MIDEAS: variants seen among roughly 807,000 people sequenced by gnomAD.
MIDEAS encodes the protein mitotic deacetylase associated SANT domain protein.
A neutral mutation model predicts 102.7 loss-of-function variants in MIDEAS; 26 were observed. That is an observed-to-expected ratio of 0.25 (90% CI 0.19 to 0.35). The LOEUF (loss-of-function observed/expected upper bound fraction) is 0.35. Among genes scored for constraint, MIDEAS ranks in the 10% least tolerant of loss-of-function variants. The pLI, the probability that MIDEAS is intolerant of heterozygous loss-of-function variation, is 1.00. For missense variants in MIDEAS, 1,231 were observed against 1,435.6 expected, an observed-to-expected ratio of 0.86 and a Z score of 2.30; for synonymous variants, 585 against 591.0, an observed-to-expected ratio of 0.99 and a Z score of 0.15.
At chr14:73,734,003 G>C (rs1336604650) in intron 3 of MIDEAS, among the ~76,000 whole-genome samples, 1 of 151,866 alleles carries the variant, frequency 6.6e-6, no homozygotes, top group Admixed American at 6.6e-5. Context: ...TGTTTTGTGT[G>C]AGATGGAGTC....
chr14:73,779,555 TTTATTA>T (rs1264012436), intron 1 of MIDEAS, among the ~76,000 whole-genome samples: 29 of 110,664 alleles, frequency 2.6e-4, no homozygotes, highest in African/African-American at 4.6e-4. Flanking sequence ...TTTTAATTTG[TTTATTA>T]TTATTATTAT....
intron 1 of MIDEAS, among the ~76,000 whole-genome samples, chr14:73,740,748 A>T (rs2140126686): frequency 6.6e-6 from 1 of 152,266 alleles, no homozygotes; most frequent in East Asian, 1.9e-4. Flanking sequence ...ACCCAGAAGG[A>T]TCTTTGTCCA....
chr14:73,763,307 C>T (rs1392361107), upstream of MIDEAS, among the ~76,000 whole-genome samples: 10 of 152,196 alleles, frequency 6.6e-5, no homozygotes, highest in Admixed American at 6.5e-4. Flanking sequence ...CACTGCACTC[C>T]ATCCTGGGTG....
intron 1 of MIDEAS, among the ~76,000 whole-genome samples, chr14:73,745,590 C>G (rs1221022593): frequency 6.6e-6 from 1 of 152,192 alleles, no homozygotes; most frequent in Non-Finnish European, 1.5e-5. Context: ...TCTGGGGTCT[C>G]CAGCTATAGC....
intron 1 of MIDEAS, among the ~76,000 whole-genome samples, chr14:73,753,820 G>A (rs1258803791): frequency 6.6e-6 from 1 of 152,184 alleles, no homozygotes; most frequent in Admixed American, 6.5e-5. Context: ...ACCCAGCACA[G>A]GCCTCCTTTA....
At chr14:73,778,972 T>C (rs919593643) in intron 1 of MIDEAS, among the ~76,000 whole-genome samples, 4 of 151,914 alleles carry the variant, frequency 2.6e-5, no homozygotes, top group African/African-American at 9.7e-5. Flanking sequence ...TTCATTTAAC[T>C]TATGCAAATT....
chr14:73,784,969 T>C (rs1274269687), intron 1 of MIDEAS, among the ~76,000 whole-genome samples: 1 of 152,160 alleles, frequency 6.6e-6, no homozygotes, highest in Non-Finnish European at 1.5e-5. Context: ...CAAAACAGCA[T>C]TTTTCCTCCA....
intron 1 of MIDEAS, among the ~76,000 whole-genome samples, chr14:73,744,768 G>T (rs1006426441): frequency 2.0e-5 from 3 of 152,144 alleles, no homozygotes; most frequent in African/African-American, 7.2e-5. Context: ...TCTTTGGCCA[G>T]GCTGTACCCC....
At chr14:73,773,024 G>C (rs913629726) in intron 1 of MIDEAS, among the ~76,000 whole-genome samples, 1 of 152,082 alleles carries the variant, frequency 6.6e-6, no homozygotes, top group Non-Finnish European at 1.5e-5. Flanking sequence ...TTTTAGTAGA[G>C]ATGGGGTTTC....
At chr14:73,729,595 G>T in intron 4 of MIDEAS, 45 bp downstream of exon 4, 1 of 1,505,844 alleles carries the variant, frequency 6.6e-7, no homozygotes, top group Non-Finnish European at 9.1e-7. Flanking sequence ...CCTGCCCAGT[G>T]CCCCAGCCCC....
upstream of MIDEAS, among the ~76,000 whole-genome samples, chr14:73,764,305 A>G (rs949702342): frequency 1.6e-4 from 23 of 142,492 alleles, no homozygotes; most frequent in Admixed American, 1.4e-3. Flanking sequence ...GCCCCACTGT[A>G]CTCTAGCCTG....
intron 1 of MIDEAS, among the ~76,000 whole-genome samples, chr14:73,748,670 G>A (rs1040934647): frequency 1.3e-5 from 2 of 151,732 alleles, no homozygotes; most frequent in East Asian, 1.9e-4. Context: ...TCAGGAGGCT[G>A]AGACAGGAGA....
chr14:73,731,562 A>G (rs1224520188), intron 3 of MIDEAS, among the ~76,000 whole-genome samples: 1 of 152,214 alleles, frequency 6.6e-6, no homozygotes. Flanking sequence ...AATGATTTGT[A>G]ATTTTATAAT....
intron 10 of MIDEAS, 35 bp from the exon 11 acceptor site, chr14:73,721,544 A>T: frequency 6.3e-7 from 1 of 1,591,424 alleles, no homozygotes; most frequent in Non-Finnish European, 8.6e-7. Context: ...GTGAGCCTAG[A>T]GCTCTGTCTC....
At chr14:73,784,453 C>T (rs2053787786) in intron 1 of MIDEAS, among the ~76,000 whole-genome samples, 1 of 152,238 alleles carries the variant, frequency 6.6e-6, no homozygotes, top group African/African-American at 2.4e-5. Flanking sequence ...GCCTGGCTTC[C>T]TTCTTTCTCT....
upstream of MIDEAS, among the ~76,000 whole-genome samples, chr14:73,787,754 C>T (rs1282006543): frequency 6.6e-6 from 1 of 152,216 alleles, no homozygotes; most frequent in Non-Finnish European, 1.5e-5. Flanking sequence ...CTCGTCATTT[C>T]TACGGGTTAT....
chr14:73,738,668 C>A lies in MIDEAS; in HGVS notation c.1341G>T (p.Arg447=). 6.2e-7 allele frequency: 1 copy of A among 1,613,912 alleles called. No individual in the cohort carries two copies. Among genetic ancestry groups the A allele is most frequent in the South Asian group, 1.1e-5 (1 of 91,074 alleles). The part of the protein sequence containing the change: ...VSTGDCGQVL[R]GGVIQSTRRR... ...GTCGCGTGCTCTGGATCACTCCGCCCCGTAGCACCTGCCCACAGTCCCCTG... is the reference window on the plus strand; with the variant it reads ...GTCGCGTGCTCTGGATCACTCCGCCACGTAGCACCTGCCCACAGTCCCCTG... Residue 447 remains arginine (R), a synonymous_variant, in exon 2 of 13, where the codon CGG becomes CGT. Transcript: ENST00000423556.
At chr14:73,727,407 G>T in intron 5 of MIDEAS, 51 bp downstream of exon 5, 1 of 1,591,576 alleles carries the variant, frequency 6.3e-7, no homozygotes, top group Non-Finnish European at 8.6e-7. Flanking sequence ...TGCACACACT[G>T]CACCAGTGTG....
chr14:73,768,553 T>C (rs1360272862), intron 1 of MIDEAS, among the ~76,000 whole-genome samples: 1 of 151,222 alleles, frequency 6.6e-6, no homozygotes, highest in Non-Finnish European at 1.5e-5. Context: ...CCTTACTCTG[T>C]TGCTCACTAC....
Sources: allele counts gnomAD v4.1 joint callset (sites outside exome capture counted in the v4.1 genomes callset), GRCh38; gene constraint gnomAD v4.1.1; transcripts MANE v1.5; gene names NCBI Gene and HGNC (gene_info 2026-07-23, HGNC 2026-07-21).